Variants in GPHN observed in about 807,000 individuals in gnomAD.
The protein encoded by GPHN is gephyrin.
In GPHN, 17 loss-of-function variants were observed where a neutral mutation model predicts 95.5. The ratio of observed to expected loss-of-function variants is 0.18; its 90% CI spans 0.12 to 0.27. The LOEUF is 0.27. Ranked by LOEUF, GPHN falls within the 10% of genes least tolerant of loss-of-function variation. The probability of loss-of-function intolerance (pLI) is 1.00; values close to 1 mark genes in which losing one functional copy is unlikely to be tolerated. For missense variants in GPHN, 660 were observed against 978.1 expected, an observed-to-expected ratio of 0.67 and a Z score of 4.34; for synonymous variants, 320 against 322.5, an observed-to-expected ratio of 0.99 and a Z score of 0.08.
At chr14:67,020,584 A>G (rs940279774) in intron 9 of GPHN, among the ~76,000 whole-genome samples, 2 of 152,178 alleles carry the variant, frequency 1.3e-5, no homozygotes, top group African/African-American at 4.8e-5. Context: ...ACATGTTGAA[A>G]TGAATTATTT....
the GPHN span, chr14:67,570,085 G>A: frequency 9.3e-7 from 1 of 1,072,516 alleles, no homozygotes; most frequent in South Asian, 1.3e-5. Flanking sequence ...AATGACTGGG[G>A]CGGGGCTCTA....
the GPHN span, among the ~76,000 whole-genome samples, chr14:67,527,438 CA>C: frequency 1.3e-5 from 2 of 150,430 alleles, no homozygotes; most frequent in African/African-American, 2.4e-5. Flanking sequence ...AACTCCATCT[CA>C]AAAAAAAAGA....
intron 11 of GPHN, among the ~76,000 whole-genome samples, chr14:67,074,680 G>T (rs968022651): frequency 3.9e-5 from 6 of 152,278 alleles, no homozygotes; most frequent in Admixed American, 3.9e-4. Flanking sequence ...AACCTAGGCC[G>T]CTGGTGCTAC....
chr14:66,920,655 C>A (rs924888146), intron 6 of GPHN, among the ~76,000 whole-genome samples: 1 of 149,458 alleles, frequency 6.7e-6, no homozygotes, highest in African/African-American at 2.5e-5. Context: ...TGAGTAAGTT[C>A]TTTAGTGGTG....
intron 1 of GPHN, among the ~76,000 whole-genome samples, chr14:66,532,983 C>A (rs1423740709): frequency 6.6e-6 from 1 of 152,198 alleles, no homozygotes; most frequent in Non-Finnish European, 1.5e-5. Context: ...TTAGGTTCTA[C>A]AAACCATGTT....
chr14:67,525,573 G>A, the GPHN span, among the ~76,000 whole-genome samples: 4 of 152,176 alleles, frequency 2.6e-5, no homozygotes, highest in East Asian at 1.9e-4. Context: ...AAGAAAGGAC[G>A]CAAGAATCAC....
chr14:66,508,322 T>C lies in GPHN; in HGVS notation c.-206T>C. ...GGCCGCGCGCCCTGACTCCTTCCCC[T>C]CCCGCGGACCCGCGCACTCCCGGCG... On this transcript the variant is annotated 5_prime_UTR_variant, in exon 1 of 23. Coordinates refer to ENST00000478722, the MANE Select transcript of GPHN (RefSeq NM_020806.5). 2 of 606,364 alleles carry C rather than the reference T, an allele frequency of 3.3e-6. No homozygotes were observed. Among genetic ancestry groups the C allele is most frequent in the South Asian group, 3.8e-5 (2 of 52,592 alleles). The allele number at this position is 606,364 out of a possible 1,614,324, so 37.6% of individuals were successfully genotyped here.
chr14:67,359,977 C>G, the GPHN span: 3 of 537,288 alleles, frequency 5.6e-6, no homozygotes, highest in African/African-American at 3.9e-5. Context: ...AACCCCTCCC[C>G]ATCCAGCTTC....
chr14:67,193,804 G>A, the GPHN span, among the ~76,000 whole-genome samples: 45 of 148,910 alleles, frequency 3.0e-4, no homozygotes, highest in Non-Finnish European at 1.6e-4. Context: ...AATTAGCTGG[G>A]TATGGTAGCG....
the GPHN span, among the ~76,000 whole-genome samples, chr14:67,250,600 T>A: frequency 2.0e-5 from 3 of 152,322 alleles, no homozygotes; most frequent in African/African-American, 7.2e-5. Flanking sequence ...ACACACACAC[T>A]GTTCATACAA....
chr14:66,964,590 G>A (rs952562315), intron 8 of GPHN, among the ~76,000 whole-genome samples: 1 of 152,204 alleles, frequency 6.6e-6, no homozygotes, highest in African/African-American at 2.4e-5. Flanking sequence ...AGAATCTAGA[G>A]AAAGAGCTAT....
the GPHN span, among the ~76,000 whole-genome samples, chr14:67,730,121 G>A: frequency 6.6e-6 from 1 of 152,188 alleles, no homozygotes; most frequent in South Asian, 2.1e-4. Context: ...TGTGTAATGT[G>A]TATTAATTCA....
the GPHN span, among the ~76,000 whole-genome samples, chr14:67,551,539 A>T: frequency 6.6e-6 from 1 of 152,126 alleles, no homozygotes; most frequent in East Asian, 1.9e-4. Context: ...ACTGTGGTGG[A>T]GTCAGTGAGG....
At chr14:66,509,772 C>T (rs1037796481) in intron 1 of GPHN, among the ~76,000 whole-genome samples, 2 of 152,134 alleles carry the variant, frequency 1.3e-5, no homozygotes, top group Admixed American at 1.3e-4. Flanking sequence ...TTTTCTTTAA[C>T]TGTCAAATTC....
At chr14:66,782,757 C>T (rs918866071) in intron 3 of GPHN, among the ~76,000 whole-genome samples, 1 of 152,076 alleles carries the variant, frequency 6.6e-6, no homozygotes, top group South Asian at 2.1e-4. Flanking sequence ...CGCTTGAACC[C>T]GGGAGGTGGA....
At chr14:66,944,839 C>T (rs902146958) in intron 8 of GPHN, among the ~76,000 whole-genome samples, 1 of 152,224 alleles carries the variant, frequency 6.6e-6, no homozygotes, top group Admixed American at 6.5e-5. Flanking sequence ...ATGCAGAGAG[C>T]ATTGGCCAGC....
At chr14:67,393,549 G>A in the GPHN span, among the ~76,000 whole-genome samples, 8 of 152,226 alleles carry the variant, frequency 5.3e-5, no homozygotes, top group South Asian at 1.7e-3. Flanking sequence ...CGCCTCCCAG[G>A]TTCAAGTGAT....
intron 1 of GPHN, among the ~76,000 whole-genome samples, chr14:66,555,037 A>G (rs1487801548): frequency 6.6e-6 from 1 of 152,206 alleles, no homozygotes; most frequent in African/African-American, 2.4e-5. Flanking sequence ...ATATTAATGT[A>G]TAGCTTCAGA....
the GPHN span, among the ~76,000 whole-genome samples, chr14:67,246,871 T>G: frequency 6.6e-6 from 1 of 152,070 alleles, no homozygotes; most frequent in Non-Finnish European, 1.5e-5. Context: ...AGGATGGTCT[T>G]GATCTCCTGA....
Sources: allele counts gnomAD v4.1 joint callset (sites outside exome capture counted in the v4.1 genomes callset), GRCh38; gene constraint gnomAD v4.1.1; transcripts MANE v1.5; gene names NCBI Gene and HGNC (gene_info 2026-07-23, HGNC 2026-07-21).